The following AOPEP variants were observed in gnomAD, a reference collection of about 807,000 sequenced individuals.
AOPEP encodes aminopeptidase O.
A neutral mutation model predicts 98.1 loss-of-function variants in AOPEP; 77 were observed. The ratio of observed to expected loss-of-function variants is 0.78; its 90% CI spans 0.65 to 0.95. The LOEUF is 0.95. Ranked by LOEUF, AOPEP falls within the 40% of genes least tolerant of loss-of-function variation. The pLI is 0.00. For synonymous variants in AOPEP, 346 were observed against 365.3 expected (o/e 0.95, Z 0.60); for missense variants, 1,024 against 1,024.7 (o/e 1.00, Z 0.01).
intron 6 of AOPEP, among the ~76,000 whole-genome samples, chr9:94,925,004 G>A (rs1263439271): frequency 1.3e-5 from 2 of 152,134 alleles, no homozygotes; most frequent in Admixed American, 6.5e-5. Context: ...TGTTGTTGTT[G>A]TTGTTGAGAC....
intron 13 of AOPEP, among the ~76,000 whole-genome samples, chr9:95,050,254 G>A (rs2066226211): frequency 1.3e-5 from 2 of 152,218 alleles, no homozygotes; most frequent in African/African-American, 4.8e-5. Flanking sequence ...CCTATGTAAT[G>A]TAGGAAAATT....
At chr9:95,008,349 G>A in intron 13 of AOPEP, among the ~76,000 whole-genome samples, 1 of 152,150 alleles carries the variant, frequency 6.6e-6, no homozygotes, top group Non-Finnish European at 1.5e-5. Context: ...CTTTTTTCCT[G>A]CCGTGTGGAA....
chr9:94,783,895 AAG>A (rs1398297208), intron 3 of AOPEP, among the ~76,000 whole-genome samples: 3 of 152,096 alleles, frequency 2.0e-5, no homozygotes, highest in Non-Finnish European at 4.4e-5. Flanking sequence ...TGGTTAGAGA[AAG>A]AAACAATTTT....
the AOPEP span, among the ~76,000 whole-genome samples, chr9:95,134,693 C>T: frequency 1.6e-4 from 24 of 152,362 alleles, no homozygotes; most frequent in African/African-American, 5.3e-4. Context: ...ACAGAGCTGC[C>T]TCCCACAAAG....
chr9:94,806,296 A>G (rs1440890372), intron 5 of AOPEP, among the ~76,000 whole-genome samples: 1 of 152,120 alleles, frequency 6.6e-6, no homozygotes, highest in African/African-American at 2.4e-5. Flanking sequence ...ATTTTAATAA[A>G]TTCTCAATTT....
the AOPEP span, among the ~76,000 whole-genome samples, chr9:95,096,680 G>A: frequency 9.8e-4 from 150 of 152,306 alleles, no homozygotes; most frequent in African/African-American, 3.5e-3. Flanking sequence ...TGTGAGCTGG[G>A]AGGAGGTCGG....
chr9:95,077,396 G>GC (rs1037871127), intron 14 of AOPEP, among the ~76,000 whole-genome samples: 1 of 152,194 alleles, frequency 6.6e-6, no homozygotes, highest in African/African-American at 2.4e-5. Context: ...GAGGCCGGTC[G>GC]CCCCGCCAGG....
chr9:95,006,224 C>T lies in AOPEP; in HGVS notation c.2115+608C>T, dbSNP rs1174443415. Reference sequence around the variant, plus strand: ...AATATCATGAAATAAGGTAAGTAGCCCGTTGTTTTCTAAGTGACTTGCGGA... The same window carrying T: ...AATATCATGAAATAAGGTAAGTAGCTCGTTGTTTTCTAAGTGACTTGCGGA... On this transcript the variant is annotated intron_variant, in intron 13 of 16. Transcript: ENST00000375315. 8.5e-6 allele frequency: 3 copies of T among 354,214 alleles called. No homozygotes were observed. The Admixed American group carries it at 1.1e-4, about 13-fold the overall frequency. The allele number at this position is 354,214 out of a possible 1,614,324, so 21.9% of individuals were successfully genotyped here.
intron 13 of AOPEP, among the ~76,000 whole-genome samples, chr9:95,026,462 G>A (rs1476752261): frequency 1.3e-5 from 2 of 152,188 alleles, no homozygotes; most frequent in Admixed American, 1.3e-4. Flanking sequence ...ATGGTCTTAC[G>A]TGTTTGTTTT....
At position 94,901,058 on chromosome 9, in the gene AOPEP, G is replaced by A. The variant is rs1050960982; in HGVS notation, c.1365-22928G>A. On this transcript the variant is annotated intron_variant, in intron 5 of 16. Coordinates refer to ENST00000375315, the MANE Select transcript of AOPEP (RefSeq NM_001193329.3). ...GTGGTTGCCATTTGGCTTTTTATTT[G>A]TAATTCATGCGAAGTTCAATAAGTA... 2.7e-5 allele frequency among the ~76,000 whole-genome samples: 4 copies of A among 149,074 alleles called. No homozygotes were observed. In the South Asian group the frequency reaches 6.7e-4, roughly 25 times the overall value.
the AOPEP span, among the ~76,000 whole-genome samples, chr9:95,121,615 C>T: frequency 6.6e-6 from 1 of 152,222 alleles, no homozygotes; most frequent in African/African-American, 2.4e-5. Flanking sequence ...GATGGCTACA[C>T]TGCCATACGT....
intron 11 of AOPEP, among the ~76,000 whole-genome samples, chr9:94,983,691 C>A (rs1290390028): frequency 6.6e-6 from 1 of 152,206 alleles, no homozygotes; most frequent in East Asian, 1.9e-4. Flanking sequence ...GATTCGCCCG[C>A]TCACGACTGT....
chr9:94,918,567 G>A (rs2053147573), intron 5 of AOPEP, among the ~76,000 whole-genome samples: 1 of 152,220 alleles, frequency 6.6e-6, no homozygotes, highest in Non-Finnish European at 1.5e-5. Context: ...AGTCCAGACT[G>A]TGTGAGCTCC....
intron 14 of AOPEP, among the ~76,000 whole-genome samples, chr9:95,073,808 G>A (rs531373221): frequency 8.5e-5 from 13 of 152,256 alleles, no homozygotes; most frequent in East Asian, 7.7e-4. Flanking sequence ...GCAGTGAGCC[G>A]AGATCGCGTC....
intron 4 of AOPEP, among the ~76,000 whole-genome samples, chr9:94,798,072 T>G (rs183369208): frequency 6.6e-6 from 1 of 152,060 alleles, no homozygotes; most frequent in African/African-American, 2.4e-5. Flanking sequence ...ATGTTAAAGA[T>G]GGGGAAAAAG....
chr9:94,997,959 G>A (rs1012796008), intron 11 of AOPEP, among the ~76,000 whole-genome samples: 5 of 151,886 alleles, frequency 3.3e-5, no homozygotes, highest in African/African-American at 7.3e-5. Flanking sequence ...TCAGCCTCCC[G>A]AAGTGCTAGC....
At chr9:95,101,797 G>C in the AOPEP span, 2 of 1,614,130 alleles carry the variant, frequency 1.2e-6, no homozygotes, top group Admixed American at 3.3e-5. Context: ...ATCTGTACAA[G>C]GTCTGGTCAA....
intron 2 of AOPEP, among the ~76,000 whole-genome samples, chr9:94,769,026 A>AG (rs1564099907): frequency 6.6e-6 from 1 of 152,168 alleles, no homozygotes; most frequent in Non-Finnish European, 1.5e-5. Context: ...CCTTCTGTGG[A>AG]GGGGAAGGCA....
At chr9:94,784,400 T>C (rs1843945072) in intron 3 of AOPEP, among the ~76,000 whole-genome samples, 2 of 152,186 alleles carry the variant, frequency 1.3e-5, no homozygotes, top group African/African-American at 4.8e-5. Flanking sequence ...TTCTCACAGG[T>C]TTAGTATAAA....
Sources: allele counts gnomAD v4.1 joint callset (sites outside exome capture counted in the v4.1 genomes callset), GRCh38; gene constraint gnomAD v4.1.1; transcripts MANE v1.5; gene names NCBI Gene and HGNC (gene_info 2026-07-23, HGNC 2026-07-21).